The following C8orf34 variants were observed in gnomAD, a reference collection of about 807,000 sequenced individuals.
C8orf34 encodes the protein chromosome 8 open reading frame 34, also known as uncharacterized protein C8orf34.
A neutral mutation model predicts 68.3 loss-of-function variants in C8orf34; 65 were observed. The observed-to-expected ratio is 0.95, with a 90% CI of 0.78 to 1.17. C8orf34 has a LOEUF of 1.17. Ranked by LOEUF, C8orf34 falls within the 50% of genes most tolerant of loss-of-function variation. The probability of loss-of-function intolerance (pLI) is 0.00; values close to 1 mark genes in which losing one functional copy is unlikely to be tolerated. For synonymous variants in C8orf34, 244 were observed against 241.2 expected (o/e 1.01, Z -0.11); for missense variants, 664 against 655.4 (o/e 1.01, Z -0.14).
intron 7 of C8orf34, among the ~76,000 whole-genome samples, chr8:68,560,174 G>A (rs921503775): frequency 5.9e-5 from 9 of 151,432 alleles, no homozygotes; most frequent in South Asian, 2.1e-4. Flanking sequence ...AAACAGTGTC[G>A]GAGTGGCAGA....
chr8:68,560,992 T>C (rs933448946), intron 7 of C8orf34, among the ~76,000 whole-genome samples: 1 of 151,756 alleles, frequency 6.6e-6, no homozygotes, highest in African/African-American at 2.4e-5. Flanking sequence ...TTTTTTTTTT[T>C]TGAGACAGGG....
At chr8:68,473,766 A>G (rs1023870428) in intron 4 of C8orf34, among the ~76,000 whole-genome samples, 13 of 152,118 alleles carry the variant, frequency 8.5e-5, no homozygotes, top group African/African-American at 2.9e-4. Context: ...TAATTATAAA[A>G]TCGCACCTAT....
At chr8:68,587,528 T>A (rs183636007) in intron 7 of C8orf34, among the ~76,000 whole-genome samples, 18 of 152,174 alleles carry the variant, frequency 1.2e-4, no homozygotes, top group Non-Finnish European at 2.1e-4. Context: ...AAGTTTAGTA[T>A]CTTTTTGAGT....
At chr8:68,795,930 G>A (rs963463483) in intron 12 of C8orf34, among the ~76,000 whole-genome samples, 2 of 152,192 alleles carry the variant, frequency 1.3e-5, no homozygotes, top group African/African-American at 4.8e-5. Flanking sequence ...GGTTCTCACT[G>A]AGTGAGCTTT....
At chr8:68,693,246 T>C (rs922255631) in intron 8 of C8orf34, among the ~76,000 whole-genome samples, 2 of 152,060 alleles carry the variant, frequency 1.3e-5, no homozygotes, top group Non-Finnish European at 2.9e-5. Flanking sequence ...CTGTTGGTAA[T>C]GACTTGGGTA....
intron 8 of C8orf34, among the ~76,000 whole-genome samples, chr8:68,688,273 A>G (rs1368804591): frequency 6.6e-6 from 1 of 152,112 alleles, no homozygotes; most frequent in East Asian, 1.9e-4. Flanking sequence ...TCAAAGGAAA[A>G]TAAGTAATTA....
chr8:68,530,384 A>G (rs1319092341), intron 6 of C8orf34, among the ~76,000 whole-genome samples: 1 of 152,122 alleles, frequency 6.6e-6, no homozygotes, highest in Non-Finnish European at 1.5e-5. Flanking sequence ...GTCAAAATCA[A>G]AAGCGAATGG....
intron 10 of C8orf34, among the ~76,000 whole-genome samples, chr8:68,771,559 C>A (rs1485082387): frequency 6.6e-6 from 1 of 152,174 alleles, no homozygotes; most frequent in Non-Finnish European, 1.5e-5. Flanking sequence ...TCTGTTGTGT[C>A]TGGGCCCTTA....
intron 8 of C8orf34, among the ~76,000 whole-genome samples, chr8:68,645,330 CTG>C (rs1194917893): frequency 6.6e-6 from 1 of 152,184 alleles, no homozygotes; most frequent in Non-Finnish European, 1.5e-5. Flanking sequence ...GGAATAATTA[CTG>C]TGTAAATACT....
At chr8:68,765,928 C>G (rs781154578) in intron 10 of C8orf34, among the ~76,000 whole-genome samples, 1 of 152,016 alleles carries the variant, frequency 6.6e-6, no homozygotes, top group Non-Finnish European at 1.5e-5. Flanking sequence ...ATTTTTCTCA[C>G]GAAGTTTACA....
chr8:68,615,908 T>A (rs935973005), intron 7 of C8orf34, among the ~76,000 whole-genome samples: 17 of 151,322 alleles, frequency 1.1e-4, no homozygotes, highest in Admixed American at 2.6e-4. Flanking sequence ...CGGCTGTGAA[T>A]CCATCTGGTC....
chr8:68,502,611 GA>G (rs1368054409), intron 5 of C8orf34, among the ~76,000 whole-genome samples: 1 of 152,046 alleles, frequency 6.6e-6, no homozygotes, highest in East Asian at 1.9e-4. Flanking sequence ...AAAGTGGAGG[GA>G]AAAAAATCAA....
intron 5 of C8orf34, among the ~76,000 whole-genome samples, chr8:68,490,706 GA>G (rs887957601): frequency 1.1e-4 from 16 of 146,880 alleles, no homozygotes; most frequent in East Asian, 6.4e-4. Flanking sequence ...AAATTTCAGT[GA>G]AAAAAAAAAT....
chr8:68,799,163 T>G (rs1824260764), intron 12 of C8orf34, among the ~76,000 whole-genome samples: 1 of 152,208 alleles, frequency 6.6e-6, no homozygotes, highest in Non-Finnish European at 1.5e-5. Context: ...TTTTTGTTAT[T>G]TTTAAAAATC....
intron 12 of C8orf34, among the ~76,000 whole-genome samples, chr8:68,788,347 A>T (rs1350237978): frequency 6.6e-6 from 1 of 152,202 alleles, no homozygotes; most frequent in Non-Finnish European, 1.5e-5. Flanking sequence ...TTACACTTCC[A>T]GGTTAAAAGC....
chr8:68,465,650 A>G (rs988248577), intron 3 of C8orf34, among the ~76,000 whole-genome samples: 1 of 152,118 alleles, frequency 6.6e-6, no homozygotes, highest in African/African-American at 2.4e-5. Flanking sequence ...TGTCCTTTGT[A>G]GGGACACGGA....
chr8:68,660,138 A>G (rs1052853105), intron 8 of C8orf34, among the ~76,000 whole-genome samples: 34 of 152,166 alleles, frequency 2.2e-4, no homozygotes, highest in African/African-American at 8.2e-4. Flanking sequence ...CCATCTGTGA[A>G]GAGAGGACAG....
chr8:68,523,994 C>A lies in C8orf34; in HGVS notation c.938+2023C>A, dbSNP rs959038546. ...CGTTTGACATCTGTTACATGAGTGA[C>A]AAAGGCACAGGCTGACGCTAGGCAT... is the stretch of plus-strand genomic sequence containing the variant. On this transcript the variant is annotated intron_variant, in intron 6 of 13. Coordinates refer to ENST00000518698, the MANE Select transcript of C8orf34 (RefSeq NM_052958.4). Among the ~76,000 whole-genome samples, 3 of 152,182 alleles carry A rather than the reference C, an allele frequency of 2.0e-5. No homozygotes were observed. In the South Asian group the frequency reaches 6.2e-4, roughly 31 times the overall value.
In C8orf34 at chr8:68,533,686, C is replaced by T; in HGVS notation, c.1105+537C>T. 5 of 958,052 alleles carry T rather than the reference C, an allele frequency of 5.2e-6. No homozygotes were observed. The South Asian group carries it at 2.4e-4, about 46-fold the overall frequency. The allele number at this position is 958,052 out of a possible 1,614,324, so 59.3% of individuals were successfully genotyped here. ...TTCAGGCCTGTTACTTTCATGAAAC[C>T]TTATTAATCTTGTATATGTAGGATA... is the stretch of plus-strand genomic sequence containing the variant. On this transcript the variant is annotated intron_variant, in intron 7 of 13. Coordinates refer to ENST00000518698, the MANE Select transcript of C8orf34 (RefSeq NM_052958.4).
Sources: gnomAD v4.1 joint callset for allele counts (sites outside exome capture counted in the v4.1 genomes callset) on GRCh38, gnomAD v4.1.1 for gene constraint, MANE v1.5 for transcripts, NCBI Gene and HGNC (gene_info 2026-07-23, HGNC 2026-07-21) for gene names.